The following CNTN5 variants were observed in gnomAD, a reference collection of about 807,000 sequenced individuals.
CNTN5 encodes contactin 5.
A neutral mutation model predicts 129.1 loss-of-function variants in CNTN5; 77 were observed. The observed-to-expected ratio is 0.60, with a 90% CI of 0.50 to 0.72. The LOEUF (loss-of-function observed/expected upper bound fraction) is 0.72. Ranked by LOEUF, CNTN5 falls within the 30% of genes least tolerant of loss-of-function variation. The probability of loss-of-function intolerance (pLI) is 0.00; values close to 1 mark genes in which losing one functional copy is unlikely to be tolerated. For missense variants in CNTN5, 1,478 were observed against 1,328.8 expected (o/e 1.11, Z -1.75); for synonymous variants, 509 against 465.6 (o/e 1.09, Z -1.20).
At chr11:99,825,403 C>T (rs1425566789) in intron 4 of CNTN5, among the ~76,000 whole-genome samples, 1 of 151,866 alleles carries the variant, frequency 6.6e-6, no homozygotes, top group East Asian at 1.9e-4. Flanking sequence ...TTTGTTGTTT[C>T]AAACATATGC....
At chr11:99,268,051 T>C (rs1862991992) in intron 1 of CNTN5, among the ~76,000 whole-genome samples, 3 of 151,264 alleles carry the variant, frequency 2.0e-5, no homozygotes, top group Admixed American at 6.6e-5. Context: ...TTAAGGTATG[T>C]GGCAGTCCTC....
chr11:99,657,247 A>C (rs1446890164), intron 3 of CNTN5, among the ~76,000 whole-genome samples: 1 of 152,110 alleles, frequency 6.6e-6, no homozygotes, highest in Non-Finnish European at 1.5e-5. Context: ...AAGTCTTTCC[A>C]GAAGTGTTTG....
chr11:99,038,195 A>C (rs1435188825), intron 1 of CNTN5, among the ~76,000 whole-genome samples: 1 of 152,172 alleles, frequency 6.6e-6, no homozygotes, highest in Admixed American at 6.5e-5. Context: ...AATAAGACTA[A>C]TTATTTGTCC....
intron 1 of CNTN5, among the ~76,000 whole-genome samples, chr11:99,276,301 G>T (rs1324123988): frequency 6.6e-6 from 1 of 151,524 alleles, no homozygotes; most frequent in Non-Finnish European, 1.5e-5. Context: ...TATTTATTTT[G>T]ATTCCCCAAG....
At chr11:100,161,814 T>C (rs1947455931) in intron 13 of CNTN5, among the ~76,000 whole-genome samples, 1 of 132,794 alleles carries the variant, frequency 7.5e-6, no homozygotes, top group African/African-American at 3.1e-5. Context: ...CTCTCAAGGA[T>C]AGCCCTGGAG....
chr11:99,191,007 G>A (rs1251886676), intron 1 of CNTN5, among the ~76,000 whole-genome samples: 1 of 151,452 alleles, frequency 6.6e-6, no homozygotes, highest in Non-Finnish European at 1.5e-5. Flanking sequence ...ATTGTGTTGA[G>A]GTACATTCCT....
intron 2 of CNTN5, among the ~76,000 whole-genome samples, chr11:99,337,121 T>A (rs1350047659): frequency 6.6e-6 from 1 of 152,188 alleles, no homozygotes; most frequent in African/African-American, 2.4e-5. Context: ...CCGTTCAATT[T>A]TTTCCTAATA....
At chr11:99,997,738 T>C (rs1356947625) in intron 8 of CNTN5, among the ~76,000 whole-genome samples, 5 of 152,040 alleles carry the variant, frequency 3.3e-5, no homozygotes, top group Admixed American at 2.0e-4. Flanking sequence ...TTGATGAACA[T>C]TGATGCAAAA....
intron 1 of CNTN5, among the ~76,000 whole-genome samples, chr11:99,153,404 C>A (rs897722935): frequency 1.3e-5 from 2 of 151,034 alleles, no homozygotes; most frequent in African/African-American, 4.9e-5. Context: ...GAGATTCTTT[C>A]CTCAACTTAG....
In CNTN5 at chr11:99,629,575, G is replaced by A. The variant is rs188889898; in HGVS notation, c.55+73306G>A. On this transcript the variant is annotated intron_variant, in intron 3 of 24. Coordinates refer to ENST00000524871, the MANE Select transcript of CNTN5 (RefSeq NM_014361.4). ...GATAAAGGAATGATCAGGGGTACAG[G>A]ATTTATGGGGAAAGTATATTAAAAA... is the stretch of plus-strand genomic sequence containing the variant. Among the ~76,000 whole-genome samples the A allele has an allele frequency of 3.3e-3, 493 of 150,832 alleles. 5 individuals are homozygous for A. The highest frequency in any genetic ancestry group is 0.011 in the African/African-American group (466 of 41,254).
chr11:99,255,652 G>C (rs1053263028), intron 1 of CNTN5, among the ~76,000 whole-genome samples: 1 of 151,456 alleles, frequency 6.6e-6, no homozygotes, highest in Non-Finnish European at 1.5e-5. Flanking sequence ...GAAAAATAAA[G>C]AGCTAGTTTC....
chr11:100,137,633 A>T (rs536989934), intron 13 of CNTN5, among the ~76,000 whole-genome samples: 10 of 152,112 alleles, frequency 6.6e-5, no homozygotes, highest in Non-Finnish European at 1.3e-4. Context: ...CCTGGAGTAA[A>T]AATCACAAAA....
intron 6 of CNTN5, among the ~76,000 whole-genome samples, chr11:99,906,251 A>G (rs1186741338): frequency 6.6e-6 from 1 of 152,192 alleles, no homozygotes; most frequent in African/African-American, 2.4e-5. Flanking sequence ...TTGCCCATTC[A>G]GTATGATACT....
chr11:99,632,241 A>G (rs1230795728), intron 3 of CNTN5, among the ~76,000 whole-genome samples: 3 of 152,210 alleles, frequency 2.0e-5, no homozygotes, highest in Admixed American at 6.5e-5. Flanking sequence ...TAATGTAGCT[A>G]AATATGTTAA....
At chr11:100,288,986 C>T (rs1237660) in intron 18 of CNTN5, among the ~76,000 whole-genome samples, 10,493 of 151,826 alleles carry the variant, frequency 0.069, 415 homozygotes, top group African/African-American at 0.14. Context: ...AACACCTCTA[C>T]GCAAATAAAC....
chr11:99,746,953 TG>T (rs1228554677), intron 3 of CNTN5, among the ~76,000 whole-genome samples: 1 of 152,252 alleles, frequency 6.6e-6, no homozygotes, highest in African/African-American at 2.4e-5. Flanking sequence ...TCTATAGCTG[TG>T]GAAAATAGCA....
intron 11 of CNTN5, among the ~76,000 whole-genome samples, chr11:100,070,840 C>T (rs1943894591): frequency 6.6e-6 from 1 of 151,982 alleles, no homozygotes; most frequent in Admixed American, 6.6e-5. Flanking sequence ...TTTGGTAATA[C>T]AGTGTTTCTT....
At chr11:99,501,340 G>A (rs1425674759) in intron 2 of CNTN5, among the ~76,000 whole-genome samples, 3 of 152,140 alleles carry the variant, frequency 2.0e-5, no homozygotes, top group Non-Finnish European at 4.4e-5. Context: ...CAATTATGAA[G>A]GGAGAAAACA....
chr11:100,307,745 CA>C (rs1951385739), intron 20 of CNTN5, among the ~76,000 whole-genome samples: 9 of 151,268 alleles, frequency 5.9e-5, no homozygotes, highest in Admixed American at 4.6e-4. Flanking sequence ...TTTAGATACA[CA>C]GAATAAAAAT....
Sources: gnomAD v4.1 joint callset for allele counts (sites outside exome capture counted in the v4.1 genomes callset) on GRCh38, gnomAD v4.1.1 for gene constraint, MANE v1.5 for transcripts, NCBI Gene and HGNC (gene_info 2026-07-23, HGNC 2026-07-21) for gene names.